Variants in CHKA observed in about 807,000 individuals in gnomAD.
The protein encoded by CHKA is CHETK-alpha.
CHKA carries 34 observed loss-of-function variants against 60.1 expected under a neutral mutation model. The ratio of observed to expected loss-of-function variants is 0.57; its 90% CI spans 0.43 to 0.75. The LOEUF is 0.75. CHKA is among the 30% of genes least tolerant of loss of function. The pLI, the probability that CHKA is intolerant of heterozygous loss-of-function variation, is 0.00. For missense variants in CHKA, 563 were observed against 561.3 expected, an observed-to-expected ratio of 1.00 and a Z score of -0.03; for synonymous variants, 217 against 223.1, an observed-to-expected ratio of 0.97 and a Z score of 0.24.
chr11:68,061,111 T>C (rs961798530), intron 11 of CHKA, among the ~76,000 whole-genome samples: 1 of 143,360 alleles, frequency 7.0e-6, no homozygotes, highest in African/African-American at 2.6e-5. Flanking sequence ...TTTTTTTTTT[T>C]TTTTTTTTTT....
At chr11:68,062,092 A>G in intron 10 of CHKA, 58 bp from the exon 11 acceptor site, 1 of 1,191,672 alleles carries the variant, frequency 8.4e-7, no homozygotes, top group Non-Finnish European at 1.2e-6. Context: ...TACAGGACTG[A>G]TGAAATGATT....
chr11:68,061,915 G>T, intron 11 of CHKA, 38 bp downstream of exon 11: 1 of 1,361,878 alleles, frequency 7.3e-7, no homozygotes, highest in South Asian at 1.3e-5. Context: ...CCTGGGAGTA[G>T]GAAGAAAAAA....
At chr11:68,100,072 A>G (rs1857652075) in intron 1 of CHKA, among the ~76,000 whole-genome samples, 1 of 152,266 alleles carries the variant, frequency 6.6e-6, no homozygotes, top group Non-Finnish European at 1.5e-5. Context: ...CTAGAAAAAA[A>G]GCCAACTACC....
chr11:68,076,908 AG>A (rs1856810436), intron 3 of CHKA, among the ~76,000 whole-genome samples: 1 of 152,202 alleles, frequency 6.6e-6, no homozygotes, highest in African/African-American at 2.4e-5. Context: ...GTAGGAAGAA[AG>A]GGGGAGATGG....
intron 6 of CHKA, 134 bp from the exon 7 acceptor site, chr11:68,069,071 A>T: frequency 1.6e-6 from 1 of 631,486 alleles, no homozygotes; most frequent in South Asian, 1.7e-5. Context: ...CTGTGATGTG[A>T]ATTCTGACAA....
chr11:68,078,150 T>C (rs1856852392), intron 3 of CHKA, among the ~76,000 whole-genome samples: 1 of 152,160 alleles, frequency 6.6e-6, no homozygotes, highest in African/African-American at 2.4e-5. Flanking sequence ...CACCCTCGCA[T>C]ACACCCCCAA....
chr11:68,120,791 T>A (rs763492186), intron 1 of CHKA, 37 bp downstream of exon 1: 6 of 890,174 alleles, frequency 6.7e-6, no homozygotes, highest in Non-Finnish European at 8.4e-6. Flanking sequence ...CCGCGTCACC[T>A]GACTGTCCCG....
intron 2 of CHKA, among the ~76,000 whole-genome samples, chr11:68,088,794 GCCT>G (rs1272198703): frequency 2.0e-5 from 3 of 151,964 alleles, no homozygotes; most frequent in African/African-American, 7.3e-5. Flanking sequence ...GATCCAACTC[GCCT>G]CAGCCTCCCA....
chr11:68,079,908 T>G (rs1019015234), intron 3 of CHKA, among the ~76,000 whole-genome samples: 34 of 152,040 alleles, frequency 2.2e-4, no homozygotes, highest in Middle Eastern at 3.4e-3. Context: ...GGGCCTATGG[T>G]CAAATCATGG....
At position 68,121,012 on chromosome 11, in the gene CHKA, C is replaced by T. The variant is rs1440680519; in HGVS notation, c.166G>A (p.Ala56Thr). Reference protein sequence around the residue: ...KQLGGQQPPLALPPPPPLPLP... With the variant: ...KQLGGQQPPLTLPPPPPLPLP... ...GGCAGCGGCGGCGGAGGGGGCAGCG[C>T]GAGCGGCGGCTGTTGGCCGCCCAGC... The change falls in exon 1 of 12, where the codon GCG (alanine) becomes ACG (threonine). Residue 56 changes from alanine to threonine, a missense_variant. By Grantham distance (58) the Ala-to-Thr change is moderately conservative (BLOSUM62 0). Transcript: ENST00000265689. The T allele has an allele frequency of 1.2e-5, 13 of 1,109,686 alleles. No homozygotes were observed. Among genetic ancestry groups the T allele is most frequent in the Non-Finnish European group, 1.1e-5 (10 of 910,500 alleles). The allele number at this position is 1,109,686 out of a possible 1,614,324, so 68.7% of individuals were successfully genotyped here.
intron 1 of CHKA, among the ~76,000 whole-genome samples, chr11:68,119,556 G>A (rs943060438): frequency 6.6e-5 from 10 of 152,112 alleles, no homozygotes; most frequent in Non-Finnish European, 1.0e-4. Context: ...TGCAACCGCC[G>A]CCTCCCAGGT....
intron 7 of CHKA, among the ~76,000 whole-genome samples, chr11:68,067,023 T>C (rs1856465805): frequency 6.6e-6 from 1 of 152,184 alleles, no homozygotes. Flanking sequence ...TTGCCTGCTT[T>C]TCCTTCCCAA....
chr11:68,080,601 C>T (rs1856955395), intron 3 of CHKA, among the ~76,000 whole-genome samples: 1 of 152,220 alleles, frequency 6.6e-6, no homozygotes, highest in Admixed American at 6.5e-5. Flanking sequence ...CTGCCTCAGC[C>T]TCCCAAAATG....
chr11:68,071,791 G>A (rs1374135316), intron 4 of CHKA, among the ~76,000 whole-genome samples: 9 of 152,210 alleles, frequency 5.9e-5, no homozygotes, highest in Non-Finnish European at 1.2e-4. Flanking sequence ...GAGTTGCCAG[G>A]AGAGCTGGAG....
At position 68,108,993 on chromosome 11, in the gene CHKA, C is replaced by T. The variant is rs565224040; in HGVS notation, c.350+11835G>A. On this transcript the variant is annotated intron_variant, in intron 1 of 11. Coordinates refer to ENST00000265689, the MANE Select transcript of CHKA (RefSeq NM_001277.3). The stretch of plus-strand genomic sequence containing the variant: ...ACGAGTTTTACCTCCAGGAGCTCTA[C>T]GAGTTCCTTACAGTGAAAACTGAGG... Among the ~76,000 whole-genome samples the T allele has an allele frequency of 1.2e-4, 18 of 145,932 alleles. No individual in the cohort carries two copies. In the South Asian group the frequency reaches 1.4e-3, roughly 11 times the overall value.
chr11:68,120,344 T>C (rs1858575518), intron 1 of CHKA, among the ~76,000 whole-genome samples: 2 of 151,936 alleles, frequency 1.3e-5, no homozygotes, highest in South Asian at 4.1e-4. Context: ...GATGAGAAAA[T>C]GCTACTCCTC....
chr11:68,103,590 G>C (rs1857803802), intron 1 of CHKA, among the ~76,000 whole-genome samples: 1 of 151,844 alleles, frequency 6.6e-6, no homozygotes. Context: ...TTAAGATCCA[G>C]CTCCTGCTCA....
At position 68,053,173 on chromosome 11, in the gene CHKA, A is replaced by AG. The variant is rs1335658152; in HGVS notation, c.*814dup. The AG allele has an allele frequency of 1.9e-5, 3 of 157,700 alleles. No individual in the cohort carries two copies. Among genetic ancestry groups the AG allele is most frequent in the African/African-American group, 7.2e-5 (3 of 41,760 alleles). The allele number at this position is 157,700 out of a possible 1,614,324, so 9.8% of individuals were successfully genotyped here. A position where few individuals can be genotyped will look rare whatever the true frequency, so the allele number is the denominator to read the frequency against. ...GGATCCGACACTCCAGGCAGAGCAG[A>AG]GGGCAGGAGAGGCCCAAAGAGCTAG... On this transcript the variant is annotated 3_prime_UTR_variant, in exon 12 of 12. Transcript: ENST00000265689.
intron 1 of CHKA, among the ~76,000 whole-genome samples, chr11:68,107,081 G>A (rs761862613): frequency 3.3e-5 from 5 of 151,982 alleles, no homozygotes; most frequent in East Asian, 1.9e-4. Flanking sequence ...GTGAAACCCC[G>A]TCTCTACTAA....
Sources: gnomAD v4.1 joint callset for allele counts (sites outside exome capture counted in the v4.1 genomes callset) on GRCh38, gnomAD v4.1.1 for gene constraint, MANE v1.5 for transcripts, NCBI Gene and HGNC (gene_info 2026-07-23, HGNC 2026-07-21) for gene names.